The following RALGPS1 variants were observed in gnomAD, a reference collection of about 807,000 sequenced individuals.
RALGPS1 encodes ras-specific guanine nucleotide-releasing factor RalGPS1.
In RALGPS1, 19 loss-of-function variants were observed where a neutral mutation model predicts 78.8. The observed-to-expected ratio is 0.24, with a 90% CI of 0.17 to 0.35. RALGPS1 has a LOEUF of 0.35. Ranked by LOEUF, RALGPS1 falls within the 10% of genes least tolerant of loss-of-function variation. RALGPS1 has a pLI of 1.00. For missense variants in RALGPS1, 454 were observed against 688.3 expected (o/e 0.66, Z 3.81); for synonymous variants, 228 against 256.3 (o/e 0.89, Z 1.06).
chr9:127,160,485 A>C (rs893081019), intron 8 of RALGPS1, among the ~76,000 whole-genome samples: 1 of 152,176 alleles, frequency 6.6e-6, no homozygotes, highest in Non-Finnish European at 1.5e-5. Flanking sequence ...CAGCTACAGC[A>C]GTGTCACCAG....
chr9:126,938,458 G>C (rs2036466614), intron 1 of RALGPS1, among the ~76,000 whole-genome samples: 1 of 152,092 alleles, frequency 6.6e-6, no homozygotes, highest in Non-Finnish European at 1.5e-5. Flanking sequence ...GGCCCAGCAG[G>C]CATGGAGGCC....
At chr9:126,959,506 GC>G (rs1472786463) in intron 1 of RALGPS1, among the ~76,000 whole-genome samples, 1 of 151,994 alleles carries the variant, frequency 6.6e-6, no homozygotes, top group Non-Finnish European at 1.5e-5. Flanking sequence ...AGACTTCTCA[GC>G]CCGTCTCCTC....
Position 127,196,565 on chromosome 9 carries a change from T to A in RALGPS1, c.1129T>A (p.Ser377Thr). The stretch of plus-strand genomic sequence containing the variant: ...CCTACTGGACGACAGTGTCCTAGAG[T>A]CCCGCAGCCCCCGAAGGGGCCTGGC... ...RHLLDDSVLESRSPRRGLALT... is the reference protein window; with the variant it reads ...RHLLDDSVLETRSPRRGLALT... Residue 377 changes from serine (S) to threonine (T), a missense_variant, in exon 13 of 19, where the codon TCC (serine) becomes ACC (threonine). Physicochemically the swap from Ser to Thr is moderately conservative, Grantham distance 58. Transcript: ENST00000259351. The A allele has an allele frequency of 3.7e-6, 6 of 1,614,088 alleles. No homozygotes were observed. The highest frequency in any genetic ancestry group is 3.4e-6 in the Non-Finnish European group (4 of 1,179,942).
chr9:127,017,599 T>C (rs1263615704), intron 4 of RALGPS1, among the ~76,000 whole-genome samples: 1 of 152,200 alleles, frequency 6.6e-6, no homozygotes, highest in African/African-American at 2.4e-5. Context: ...AAATTAACCT[T>C]AGCTTACTGT....
chr9:126,980,877 T>C (rs2041186266), intron 4 of RALGPS1, among the ~76,000 whole-genome samples: 3 of 152,214 alleles, frequency 2.0e-5, no homozygotes. Context: ...ACAGCCATCT[T>C]ACCAGGCTTC....
At position 127,107,818 on chromosome 9, in the gene RALGPS1, A is replaced by G. The variant is rs2054366933; in HGVS notation, c.610+38462A>G. ...TTGTGCATGTCTTTGGCCTGGCTTC[A>G]ACTGGCCATGGCTTTTCCCCATTTG... On this transcript the variant is annotated intron_variant, in intron 8 of 18. Transcript: ENST00000259351. 9 of 1,309,620 alleles carry G rather than the reference A, an allele frequency of 6.9e-6. No individual in the cohort carries two copies. In the East Asian group the frequency reaches 2.1e-4, roughly 31 times the overall value. 81.1% of individuals were successfully genotyped at this position (1,309,620 alleles called of 1,614,324 possible).
intron 1 of RALGPS1, among the ~76,000 whole-genome samples, chr9:126,956,865 T>A (rs1254150158): frequency 6.6e-6 from 1 of 152,246 alleles, no homozygotes; most frequent in Non-Finnish European, 1.5e-5. Flanking sequence ...TTGCCCTATG[T>A]CCAGCCCTGA....
At chr9:126,923,434 A>T (rs553887018) in intron 1 of RALGPS1, among the ~76,000 whole-genome samples, 19 of 152,320 alleles carry the variant, frequency 1.2e-4, no homozygotes, top group Non-Finnish European at 2.1e-4. Flanking sequence ...AGGTGAGATA[A>T]GGTGACAGGG....
chr9:127,080,625 C>G (rs923793515), intron 8 of RALGPS1, among the ~76,000 whole-genome samples: 5 of 152,206 alleles, frequency 3.3e-5, no homozygotes, highest in African/African-American at 9.7e-5. Context: ...TTTCTGGTAG[C>G]TCTTTGACAC....
At chr9:127,147,209 A>AT (rs2138907215) in intron 8 of RALGPS1, among the ~76,000 whole-genome samples, 1 of 152,138 alleles carries the variant, frequency 6.6e-6, no homozygotes, top group Admixed American at 6.5e-5. Flanking sequence ...TCTTTTGCCC[A>AT]TTTTTTAATG....
chr9:127,154,621 G>A (rs536529044), intron 8 of RALGPS1, among the ~76,000 whole-genome samples: 10 of 152,192 alleles, frequency 6.6e-5, no homozygotes, highest in Admixed American at 1.3e-4. Context: ...GAGAATGCAG[G>A]GATTGATAAT....
intron 4 of RALGPS1, among the ~76,000 whole-genome samples, chr9:126,998,153 A>C (rs1277676754): frequency 6.6e-6 from 1 of 152,210 alleles, no homozygotes; most frequent in African/African-American, 2.4e-5. Flanking sequence ...TGGCAACAAA[A>C]GCCAGAATTG....
intron 14 of RALGPS1, among the ~76,000 whole-genome samples, chr9:127,208,699 C>T (rs867141534): frequency 1.3e-4 from 20 of 152,262 alleles, no homozygotes; most frequent in African/African-American, 3.9e-4. Context: ...CTGTGCTCCC[C>T]GCCAGTCCAC....
intron 7 of RALGPS1, among the ~76,000 whole-genome samples, chr9:127,059,980 G>A (rs909857615): frequency 2.6e-5 from 4 of 152,108 alleles, no homozygotes; most frequent in Admixed American, 2.6e-4. Context: ...AGCTAAATTA[G>A]AAGCCAAGAA....
intron 11 of RALGPS1, chr9:127,178,050 G>T: frequency 6.8e-7 from 1 of 1,468,896 alleles, no homozygotes. Context: ...CCAGGGTCCT[G>T]GGGAGGGTGG....
intron 4 of RALGPS1, among the ~76,000 whole-genome samples, chr9:127,032,798 TG>T (rs2046539370): frequency 6.6e-6 from 1 of 152,036 alleles, no homozygotes; most frequent in Non-Finnish European, 1.5e-5. Context: ...GAGACCAGCC[TG>T]GGCAACACAG....
chr9:127,174,657 C>G (rs2059752320), intron 10 of RALGPS1, 58 bp from the exon 11 acceptor site: 1 of 1,499,150 alleles, frequency 6.7e-7, no homozygotes, highest in Non-Finnish European at 9.3e-7. Context: ...CAGCCCCAAA[C>G]AGGTTCCTGT....
intron 7 of RALGPS1, among the ~76,000 whole-genome samples, chr9:127,068,510 G>A (rs1297954263): frequency 6.6e-6 from 1 of 152,196 alleles, no homozygotes; most frequent in Non-Finnish European, 1.5e-5. Context: ...ACATCATGTA[G>A]AACAGTGGGC....
chr9:127,116,832 T>G (rs2055481015), intron 8 of RALGPS1, among the ~76,000 whole-genome samples: 1 of 152,208 alleles, frequency 6.6e-6, no homozygotes, highest in Admixed American at 6.5e-5. Context: ...ATTTCACAGA[T>G]GAGCAAACAA....
Sources: allele counts gnomAD v4.1 joint callset (sites outside exome capture counted in the v4.1 genomes callset), GRCh38; gene constraint gnomAD v4.1.1; transcripts MANE v1.5; gene names NCBI Gene and HGNC (gene_info 2026-07-23, HGNC 2026-07-21).